The following KCNK13 variants were observed in gnomAD, a reference collection of about 807,000 sequenced individuals.
The protein encoded by KCNK13 is potassium channel subfamily K member 13.
Under a neutral mutation model 23.4 loss-of-function variants are expected in KCNK13, and 12 were observed. The ratio of observed to expected loss-of-function variants is 0.51; its 90% CI spans 0.33 to 0.83. The LOEUF (loss-of-function observed/expected upper bound fraction) is 0.83, where lower values mean the gene tolerates loss of function less well. Among genes scored for constraint, KCNK13 ranks in the 40% least tolerant of loss-of-function variants. KCNK13 has a pLI of 0.02. For missense variants in KCNK13, 463 were observed against 556.3 expected (o/e 0.83, Z 1.69); for synonymous variants, 231 against 229.5 (o/e 1.01, Z -0.06).
At position 90,102,919 on chromosome 14, in the gene KCNK13, A is replaced by C. The variant is rs114715047; in HGVS notation, c.334+40380A>C. Among the ~76,000 whole-genome samples the C allele has an allele frequency of 7.3e-3, 1,106 of 152,074 alleles. 14 individuals are homozygous for C. The highest frequency in any genetic ancestry group is 0.025 in the African/African-American group (1,043 of 41,472). The stretch of plus-strand genomic sequence containing the variant: ...ATTATACCCAGTAGGTAGTTTTTCA[A>C]CCCATGCCTCCCTCCATCCCTGCTC... On this transcript the variant is annotated intron_variant, in intron 1 of 1. Coordinates refer to ENST00000282146, the MANE Select transcript of KCNK13 (RefSeq NM_022054.4).
chr14:90,083,827 A>G (rs1458284082), intron 1 of KCNK13, among the ~76,000 whole-genome samples: 17 of 152,198 alleles, frequency 1.1e-4, no homozygotes, highest in Admixed American at 1.1e-3. Context: ...ACAGGATCCA[A>G]CTTAATTCTT....
chr14:90,075,122 T>C (rs1889119859), intron 1 of KCNK13, among the ~76,000 whole-genome samples: 1 of 152,218 alleles, frequency 6.6e-6, no homozygotes, highest in Non-Finnish European at 1.5e-5. Flanking sequence ...CTATTTTTCT[T>C]ATTTTTTAAG....
intron 1 of KCNK13, among the ~76,000 whole-genome samples, chr14:90,153,396 G>C (rs1207521759): frequency 1.3e-5 from 2 of 152,134 alleles, no homozygotes; most frequent in African/African-American, 4.8e-5. Context: ...CTTAATACCA[G>C]TACTATCTAT....
At chr14:90,157,182 T>C (rs913575051) in intron 1 of KCNK13, among the ~76,000 whole-genome samples, 2 of 152,202 alleles carry the variant, frequency 1.3e-5, no homozygotes, top group African/African-American at 4.8e-5. Flanking sequence ...TCTGGTAAAT[T>C]TGTGTGATGG....
intron 1 of KCNK13, among the ~76,000 whole-genome samples, chr14:90,118,724 A>G (rs1426139705): frequency 6.6e-6 from 1 of 152,196 alleles, no homozygotes; most frequent in Non-Finnish European, 1.5e-5. Flanking sequence ...GGGAATGCAC[A>G]AGAGTTCCAG....
chr14:90,062,820 C>T lies in KCNK13; in HGVS notation c.334+281C>T, dbSNP rs1888961962. On this transcript the variant is annotated intron_variant, in intron 1 of 1. Transcript: ENST00000282146. The surrounding 1 kb of genome is among the most constrained non-coding windows in gnomAD (Gnocchi z 4.5). ...AGAATCTGCATGTTAACAAAGTCCC[C>T]AAAGGATTGGAATGATCCTTAAATT... 6.6e-6 allele frequency among the ~76,000 whole-genome samples: 1 copy of T among 152,160 alleles called. No homozygotes were observed. The highest frequency in any genetic ancestry group is 6.5e-5 in the Admixed American group (1 of 15,278).
intron 1 of KCNK13, among the ~76,000 whole-genome samples, chr14:90,091,624 AT>A (rs1310432956): frequency 2.0e-5 from 3 of 152,040 alleles, no homozygotes; most frequent in Non-Finnish European, 4.4e-5. Context: ...AACACTGGGC[AT>A]GCCAAATGCC....
At chr14:90,090,554 T>G (rs1189769586) in intron 1 of KCNK13, among the ~76,000 whole-genome samples, 1 of 152,180 alleles carries the variant, frequency 6.6e-6, no homozygotes. Context: ...TGAGTTAAGA[T>G]TCTGGGGGAC....
chr14:90,071,953 A>G (rs568578517), intron 1 of KCNK13, among the ~76,000 whole-genome samples: 2 of 152,066 alleles, frequency 1.3e-5, no homozygotes, highest in South Asian at 4.2e-4. Context: ...ATCATTAATT[A>G]AAGTCATTAA....
chr14:90,145,876 T>G (rs1049480065), intron 1 of KCNK13, among the ~76,000 whole-genome samples: 4 of 151,686 alleles, frequency 2.6e-5, no homozygotes, highest in Non-Finnish European at 5.9e-5. Flanking sequence ...TGGTGCATAC[T>G]AGTAGTCCCA....
intron 1 of KCNK13, among the ~76,000 whole-genome samples, chr14:90,114,110 TC>T (rs1889647061): frequency 6.6e-6 from 1 of 152,192 alleles, no homozygotes; most frequent in South Asian, 2.1e-4. Flanking sequence ...TTGCAGCTCT[TC>T]CTTGAGTACC....
rs34122207 is a variant in KCNK13 at position 90,092,912 on chromosome 14, CAA to C, written c.334+30394_334+30395del. ...GGATGACAGAGTGAGACCCTGTCTC[CAA>C]AAAAAAAAAAAAAAAAAAAAGCATC... On this transcript the variant is annotated intron_variant, in intron 1 of 1. Transcript: ENST00000282146. 4.8e-3 allele frequency among the ~76,000 whole-genome samples: 377 copies of C among 78,280 alleles called. 2 individuals are homozygous for C. The highest frequency in any genetic ancestry group is 0.016 in the African/African-American group (335 of 21,210). The allele number at this position is 78,280 out of a possible 152,430, so 51.4% of individuals were successfully genotyped here. A position where few individuals can be genotyped will look rare whatever the true frequency, so the allele number is the denominator to read the frequency against.
Position 90,062,298 on chromosome 14 carries a change from G to T in KCNK13, c.93G>T (p.Leu31=), listed in dbSNP as rs949285264. 9.0e-6 allele frequency: 14 copies of T among 1,561,710 alleles called. No homozygotes were observed. Among genetic ancestry groups the T allele is most frequent in the Non-Finnish European group, 1.1e-5 (13 of 1,162,092 alleles). ...TGGCCGCGCTCATCGTGCTCTACCT[G>T]CTGGGCGGCGCCGCCGTCTTCTCCG... ...LLLAALIVLY[L]LGGAAVFSAL... Residue 31 remains leucine (L), a synonymous_variant, in exon 1 of 2, where the codon CTG becomes CTT. Transcript: ENST00000282146. This position sits in a 1 kb window ranked among gnomAD's most constrained non-coding sequence, Gnocchi z 4.5.
chr14:90,102,206 A>G (rs1255051226), intron 1 of KCNK13, among the ~76,000 whole-genome samples: 1 of 152,148 alleles, frequency 6.6e-6, no homozygotes, highest in Admixed American at 6.5e-5. Context: ...TTTTAAAAAG[A>G]AATCCCCCCA....
At chr14:90,116,598 G>T (rs1032135628) in intron 1 of KCNK13, among the ~76,000 whole-genome samples, 4 of 152,134 alleles carry the variant, frequency 2.6e-5, no homozygotes, top group African/African-American at 9.7e-5. Flanking sequence ...TTTGGGAAAG[G>T]AGACAAGCCC....
Position 90,184,672 on chromosome 14 carries a change from G to T in KCNK13, c.896G>T (p.Cys299Phe), listed in dbSNP as rs749308530. ...CTGAGGAAAATGGACAGCGGGTGCTGCCCGCAATGCCAGAGAGGACTCTTG... is the reference window on the plus strand; with the variant it reads ...CTGAGGAAAATGGACAGCGGGTGCTTCCCGCAATGCCAGAGAGGACTCTTG... ...WILRKMDSGC[C>F]PQCQRGLLRS... The change falls in exon 2 of 2, where the codon TGC becomes TTC. Residue 299 changes from cysteine (C) to phenylalanine (F), a missense_variant. By Grantham distance (205) the Cys-to-Phe change is radical. Transcript: ENST00000282146. The surrounding 1 kb of genome is among the most constrained non-coding windows in gnomAD (Gnocchi z 5.6). 2.5e-6 allele frequency: 4 copies of T among 1,614,126 alleles called. No homozygotes were observed. The African/African-American group carries it at 4.0e-5, about 16-fold the overall frequency.
chr14:90,063,703 TGAG>T (rs1348878948), intron 1 of KCNK13, among the ~76,000 whole-genome samples: 2 of 152,144 alleles, frequency 1.3e-5, no homozygotes, highest in Non-Finnish European at 2.9e-5. Context: ...TGAGCCTCCT[TGAG>T]GCTCCCACAC....
intron 1 of KCNK13, among the ~76,000 whole-genome samples, chr14:90,134,474 A>C (rs1450736816): frequency 1.3e-5 from 2 of 152,220 alleles, no homozygotes; most frequent in African/African-American, 4.8e-5. Flanking sequence ...CATAGGTAGG[A>C]ATTTTAAGAA....
chr14:90,137,555 A>C (rs1889953388), intron 1 of KCNK13, among the ~76,000 whole-genome samples: 1 of 152,094 alleles, frequency 6.6e-6, no homozygotes, highest in Admixed American at 6.6e-5. Context: ...TCCTGACTTC[A>C]GGTGATCCAC....
Sources: gnomAD v4.1 joint callset for allele counts (sites outside exome capture counted in the v4.1 genomes callset) on GRCh38, gnomAD v4.1.1 for gene constraint, Gnocchi (gnomAD v3.1) non-coding constraint, MANE v1.5 for transcripts, NCBI Gene and HGNC (gene_info 2026-07-23, HGNC 2026-07-21) for gene names.